PCDHGA10: variants seen among roughly 807,000 people sequenced by gnomAD.
The protein encoded by PCDHGA10 is protocadherin gamma-A10.
Under a neutral mutation model 59.5 loss-of-function variants are expected in PCDHGA10, and 42 were observed. That is an observed-to-expected ratio of 0.71 (90% CI 0.55 to 0.91). The LOEUF is 0.91. Ranked by LOEUF, PCDHGA10 falls within the 40% of genes least tolerant of loss-of-function variation. PCDHGA10 has a pLI of 0.00. For synonymous variants in PCDHGA10, 511 were observed against 517.2 expected (o/e 0.99, Z 0.16); for missense variants, 1,111 against 1,198.2 (o/e 0.93, Z 1.07).
Position 141,489,161 on chromosome 5 carries a change from A to T in PCDHGA10, c.2437-5646A>T. ...GCTGGAAGGAGACATAAGAGACTTC[A>T]GCTGCTGCATTCCAAGCCCTGGGTC... On this transcript the variant is annotated intron_variant, in intron 1 of 3. Coordinates refer to ENST00000398610, the MANE Select transcript of PCDHGA10 (RefSeq NM_018913.3). The surrounding 1 kb of genome is among the most constrained non-coding windows in gnomAD (Gnocchi z 4.5). 1.9e-6 allele frequency: 2 copies of T among 1,040,278 alleles called. No individual in the cohort carries two copies. The highest frequency in any genetic ancestry group is 2.8e-6 in the Non-Finnish European group (2 of 709,676). 64.4% of individuals were successfully genotyped at this position (1,040,278 alleles called of 1,614,324 possible).
At chr5:141,456,919 C>G (rs2098898169) in intron 1 of PCDHGA10, among the ~76,000 whole-genome samples, 1 of 152,124 alleles carries the variant, frequency 6.6e-6, no homozygotes, top group African/African-American at 2.4e-5. Flanking sequence ...GCCGAGATCG[C>G]ACCACTGCAC....
intron 1 of PCDHGA10, among the ~76,000 whole-genome samples, chr5:141,459,561 C>T (rs912894386): frequency 2.6e-5 from 4 of 151,954 alleles, no homozygotes; most frequent in African/African-American, 7.3e-5. Context: ...GGATAAATAC[C>T]CCAAAACAGA....
intron 1 of PCDHGA10, chr5:141,422,645 T>C: frequency 6.2e-7 from 1 of 1,612,232 alleles, no homozygotes; most frequent in Non-Finnish European, 8.5e-7. Flanking sequence ...GCCTCCATCT[T>C]CTCAGTGACC....
intron 1 of PCDHGA10, chr5:141,441,810 C>T (rs2098275091): frequency 6.4e-5 from 24 of 372,574 alleles, no homozygotes; most frequent in Middle Eastern, 7.2e-4. Flanking sequence ...GGTGCTGTAC[C>T]CCAGCTCTGG....
intron 1 of PCDHGA10, chr5:141,420,199 C>G (rs764130526): frequency 6.2e-7 from 1 of 1,613,362 alleles, no homozygotes; most frequent in Non-Finnish European, 8.5e-7. Flanking sequence ...CACAAGATAA[C>G]CTCAACAAAG....
chr5:141,462,782 T>C (rs1397671639), intron 1 of PCDHGA10, among the ~76,000 whole-genome samples: 1 of 152,220 alleles, frequency 6.6e-6, no homozygotes, highest in Non-Finnish European at 1.5e-5. Flanking sequence ...TCATAATTTG[T>C]TGCTTATTTG....
Position 141,413,978 on chromosome 5 carries a change from T to C in PCDHGA10, c.803T>C (p.Val268Ala), listed in dbSNP as rs2095697435. Residue 268 changes from valine (V) to alanine (A), a missense_variant, in exon 1 of 4, where the codon GTC becomes GCC. Coordinates refer to ENST00000398610, the MANE Select transcript of PCDHGA10 (RefSeq NM_018913.3). ...CCTGTGGGCACTCAGCTGCTGACAG[T>C]CACAGCCACCGACAGGGACGAAGGT... ...NLPVGTQLLT[V>A]TATDRDEGAN... 2 of 1,613,414 alleles carry C rather than the reference T, an allele frequency of 1.2e-6. No homozygotes were observed. Among genetic ancestry groups the C allele is most frequent in the Non-Finnish European group, 8.5e-7 (1 of 1,179,830 alleles).
intron 1 of PCDHGA10, among the ~76,000 whole-genome samples, chr5:141,449,714 A>G (rs1188830159): frequency 2.6e-5 from 4 of 151,334 alleles, no homozygotes; most frequent in African/African-American, 7.3e-5. Flanking sequence ...CATTATTTTT[A>G]TATGATATGA....
chr5:141,414,648 T>G lies in PCDHGA10; in HGVS notation c.1473T>G (p.Ile491Met), dbSNP rs2095770464. Residue 491 changes from isoleucine to methionine, a missense_variant, in exon 1 of 4, where the codon ATT becomes ATG. By Grantham distance (10) the Ile-to-Met change is conservative (BLOSUM62 1). Coordinates refer to ENST00000398610, the MANE Select transcript of PCDHGA10 (RefSeq NM_018913.3). ...LDPDSKENAQ[I>M]IYSLAEDTIQ... ...CGGACAGCAAAGAGAATGCCCAGAT[T>G]ATTTACTCCCTGGCTGAAGACACCA... 1.2e-6 allele frequency: 2 copies of G among 1,613,844 alleles called. No homozygotes were observed. The highest frequency in any genetic ancestry group is 1.7e-6 in the Non-Finnish European group (2 of 1,179,892).
At chr5:141,421,508 A>C in intron 1 of PCDHGA10, 1 of 1,614,046 alleles carries the variant, frequency 6.2e-7, no homozygotes, top group Non-Finnish European at 8.5e-7. Context: ...ATAGACCGGG[A>C]GGAGCTCTGT....
rs765353257 is a variant in PCDHGA10 at position 141,431,824 on chromosome 5, G to A, written c.2436+16213G>A. On this transcript the variant is annotated intron_variant, in intron 1 of 3. Coordinates refer to ENST00000398610, the MANE Select transcript of PCDHGA10 (RefSeq NM_018913.3). The surrounding 1 kb of genome is among the most constrained non-coding windows in gnomAD (Gnocchi z 4.8). ...TGGTCCTCACCTCTCTCGCCAGCTC[G>A]GTTCCCGAAAACTCTCCCAGAGGGA... is the stretch of plus-strand genomic sequence containing the variant. The A allele has an allele frequency of 1.3e-5, 21 of 1,614,092 alleles. No homozygotes were observed. In the South Asian group the frequency reaches 2.1e-4, roughly 16 times the overall value.
chr5:141,453,721 A>G (rs373983847), intron 1 of PCDHGA10, among the ~76,000 whole-genome samples: 4 of 152,244 alleles, frequency 2.6e-5, no homozygotes, highest in East Asian at 1.9e-4. Flanking sequence ...CTATAAAAAT[A>G]TTTGTTACTA....
At position 141,489,870 on chromosome 5, in the gene PCDHGA10, G is replaced by T; in HGVS notation, c.2437-4937G>T. On this transcript the variant is annotated intron_variant, in intron 1 of 3. Transcript: ENST00000398610. The surrounding 1 kb of genome is among the most constrained non-coding windows in gnomAD (Gnocchi z 4.5). ...GTGAAGCCCAGGCAAGACATCAGCT[G>T]GTGCTTACTGCTGTGGATGGGGGGA... 1.2e-6 allele frequency: 2 copies of T among 1,614,220 alleles called. No individual in the cohort carries two copies. The highest frequency in any genetic ancestry group is 1.7e-6 in the Non-Finnish European group (2 of 1,180,024).
intron 1 of PCDHGA10, among the ~76,000 whole-genome samples, chr5:141,456,985 A>C (rs2098902590): frequency 6.6e-6 from 1 of 152,204 alleles, no homozygotes; most frequent in Non-Finnish European, 1.5e-5. Context: ...ACAAACAAAC[A>C]AACAAAAACT....
chr5:141,431,393 C>T lies in PCDHGA10; in HGVS notation c.2436+15782C>T, dbSNP rs1485575362. 5 of 1,613,884 alleles carry T rather than the reference C, an allele frequency of 3.1e-6. No individual in the cohort carries two copies. Among genetic ancestry groups the T allele is most frequent in the Non-Finnish European group, 4.2e-6 (5 of 1,180,048 alleles). On this transcript the variant is annotated intron_variant, in intron 1 of 3. Coordinates refer to ENST00000398610, the MANE Select transcript of PCDHGA10 (RefSeq NM_018913.3). The surrounding 1 kb of genome is among the most constrained non-coding windows in gnomAD (Gnocchi z 4.8). ...AGAAAAGGCTGCTCACCACCTGGTC[C>T]TTACGGCCTCCGACGGGGGCGACCC...
chr5:141,436,921 C>T lies in PCDHGA10; in HGVS notation c.2436+21310C>T, dbSNP rs73794904. Among the ~76,000 whole-genome samples the T allele has an allele frequency of 9.3e-3, 1,413 of 152,246 alleles. 25 individuals carry two copies. The highest frequency in any genetic ancestry group is 0.032 in the African/African-American group (1,313 of 41,572). On this transcript the variant is annotated intron_variant, in intron 1 of 3. Coordinates refer to ENST00000398610, the MANE Select transcript of PCDHGA10 (RefSeq NM_018913.3). ...ATATGAGACAATTTTGTGAGTGTTA[C>T]TTTTTCTTTGTCTGAACCATAGTGA...
Position 141,487,650 on chromosome 5 carries a change from G to A in PCDHGA10, c.2437-7157G>A. On this transcript the variant is annotated intron_variant, in intron 1 of 3. Transcript: ENST00000398610. The surrounding 1 kb of genome is among the most constrained non-coding windows in gnomAD (Gnocchi z 5.0). ...TTGCAGGCTCAACAAATGCTTGAGGGTTATTCTGATCCAGGCATATGGCTA... is the reference window on the plus strand; with the variant it reads ...TTGCAGGCTCAACAAATGCTTGAGGATTATTCTGATCCAGGCATATGGCTA... 1 of 1,613,994 alleles carries A rather than the reference G, an allele frequency of 6.2e-7. No individual in the cohort carries two copies. Among genetic ancestry groups the A allele is most frequent in the Non-Finnish European group, 8.5e-7 (1 of 1,179,954 alleles).
Position 141,430,658 on chromosome 5 carries a change from G to A in PCDHGA10, c.2436+15047G>A, listed in dbSNP as rs1350572230. ...CCTGGGAGTATGTGGAAACAACGGA[G>A]GAGCTCTGACTTCCCAACTGTCCCA... On this transcript the variant is annotated intron_variant, in intron 1 of 3. Coordinates refer to ENST00000398610, the MANE Select transcript of PCDHGA10 (RefSeq NM_018913.3). The A allele has an allele frequency of 7.2e-6, 8 of 1,105,688 alleles. No individual in the cohort carries two copies. The African/African-American group carries it at 9.5e-5, about 13-fold the overall frequency. The allele number at this position is 1,105,688 out of a possible 1,614,324, so 68.5% of individuals were successfully genotyped here. A position where few individuals can be genotyped will look rare whatever the true frequency, so the allele number is the denominator to read the frequency against.
intron 1 of PCDHGA10, among the ~76,000 whole-genome samples, chr5:141,458,500 T>G (rs2098947037): frequency 6.6e-6 from 1 of 151,442 alleles, no homozygotes; most frequent in Admixed American, 6.6e-5. Context: ...CTGTACATAC[T>G]GTTTGACACT....
Sources: allele counts gnomAD v4.1 joint callset (sites outside exome capture counted in the v4.1 genomes callset), GRCh38; gene constraint gnomAD v4.1.1; non-coding constraint Gnocchi (gnomAD v3.1); transcripts MANE v1.5; gene names NCBI Gene and HGNC (gene_info 2026-07-23, HGNC 2026-07-21).